The following ADCY10 variants were observed in gnomAD, a reference collection of about 807,000 sequenced individuals.
ADCY10 encodes the protein adenylate cyclase type 10.
In ADCY10, 156 loss-of-function variants were observed where a neutral mutation model predicts 183.3. The ratio of observed to expected loss-of-function variants is 0.85; its 90% CI spans 0.75 to 0.97. ADCY10 has a LOEUF of 0.97. ADCY10 is among the 50% of genes least tolerant of loss of function. ADCY10 has a pLI of 0.00. For missense variants in ADCY10, 1,745 were observed against 1,934.3 expected, an observed-to-expected ratio of 0.90 and a Z score of 1.84; for synonymous variants, 645 against 670.0, an observed-to-expected ratio of 0.96 and a Z score of 0.58.
rs1415937620 is a variant in ADCY10 at position 167,897,517 on chromosome 1, G to GTA, written c.643-828_643-827dup. 5.2e-4 allele frequency among the ~76,000 whole-genome samples: 36 copies of GTA among 69,004 alleles called. 4 individuals carry two copies. The highest frequency in any genetic ancestry group is 1.0e-3 in the African/African-American group (10 of 9,546). The allele number at this position is 69,004 out of a possible 152,430, so 45.3% of individuals were successfully genotyped here. A position where few individuals can be genotyped will look rare whatever the true frequency, so the allele number is the denominator to read the frequency against. ...ATCTCAAAAAAAAATATATATATAT[G>GTA]TATATATATATAGAGAGAGAGAGAG... On this transcript the variant is annotated intron_variant, in intron 6 of 32. Transcript: ENST00000367851.
At chr1:167,812,032 C>A (rs1662245027) in intron 31 of ADCY10, among the ~76,000 whole-genome samples, 1 of 152,242 alleles carries the variant, frequency 6.6e-6, no homozygotes, top group South Asian at 2.1e-4. Context: ...GCCTGTCCCC[C>A]AGCCTCAAAA....
chr1:167,845,462 A>G (rs1664935452), intron 21 of ADCY10, 101 bp downstream of exon 21: 1 of 1,268,426 alleles, frequency 7.9e-7, no homozygotes, highest in South Asian at 1.3e-5. Flanking sequence ...CAAGCCGCTT[A>G]TGAGACTTGA....
At chr1:167,858,485 G>A (rs573103936) in intron 16 of ADCY10, among the ~76,000 whole-genome samples, 12 of 122,576 alleles carry the variant, frequency 9.8e-5, no homozygotes, top group African/African-American at 1.6e-4. Flanking sequence ...GCGACAGAGC[G>A]AGACTCTGTC....
At chr1:167,875,317 G>A (rs1320015561) in intron 12 of ADCY10, 131 bp from the exon 13 acceptor site, 2 of 856,442 alleles carry the variant, frequency 2.3e-6, no homozygotes, top group East Asian at 5.3e-5. Flanking sequence ...CTGACTCACG[G>A]GTCGCAAACG....
intron 24 of ADCY10, 24 bp from the exon 25 acceptor site, chr1:167,833,186 G>A: frequency 6.2e-7 from 1 of 1,602,596 alleles, no homozygotes; most frequent in Middle Eastern, 1.7e-4. Context: ...GGAGGGAAGA[G>A]AGGAAAAGAG....
chr1:167,880,263 G>A (rs1321060952), intron 10 of ADCY10, 72 bp from the exon 11 acceptor site: 49 of 1,372,320 alleles, frequency 3.6e-5, no homozygotes, highest in Non-Finnish European at 4.9e-5. Context: ...GGGAAGGGTG[G>A]GAAATAATGT....
chr1:167,835,956 T>C (rs1285629364), intron 23 of ADCY10, among the ~76,000 whole-genome samples: 1 of 152,174 alleles, frequency 6.6e-6, no homozygotes, highest in African/African-American at 2.4e-5. Context: ...ACAGGTATTT[T>C]AGGCTTAACA....
chr1:167,813,056 AGAAGAG>A (rs1662318227), intron 31 of ADCY10, among the ~76,000 whole-genome samples: 1 of 152,206 alleles, frequency 6.6e-6, no homozygotes, highest in Non-Finnish European at 1.5e-5. Flanking sequence ...TCCCTGAAGA[AGAAGAG>A]AGAGAGAAAG....
intron 17 of ADCY10, among the ~76,000 whole-genome samples, chr1:167,855,100 C>T (rs1341420857): frequency 2.0e-5 from 3 of 152,102 alleles, no homozygotes; most frequent in Non-Finnish European, 4.4e-5. Context: ...GAGGGCGGAG[C>T]ATCTGAGCTC....
intron 8 of ADCY10, among the ~76,000 whole-genome samples, chr1:167,892,257 C>G (rs1668650929): frequency 6.6e-6 from 1 of 152,188 alleles, no homozygotes; most frequent in African/African-American, 2.4e-5. Context: ...CAGGCATGAG[C>G]CTGGCCTTGA....
At chr1:167,854,972 T>C (rs145121187) in intron 17 of ADCY10, among the ~76,000 whole-genome samples, 1 of 152,298 alleles carries the variant, frequency 6.6e-6, no homozygotes, top group African/African-American at 2.4e-5. Flanking sequence ...AGATGGGCTG[T>C]AAACAGCCAG....
chr1:167,818,491 T>C (rs1360954351), intron 30 of ADCY10: 3 of 637,528 alleles, frequency 4.7e-6, no homozygotes, highest in Non-Finnish European at 8.7e-6. Flanking sequence ...ATAGAATCCT[T>C]GGAAACACTC....
rs756835253 is a variant in ADCY10, at chr1:167,883,547, G to T, written c.910C>A (p.Gln304Lys). The T allele has an allele frequency of 1.2e-6, 2 of 1,614,162 alleles. No individual in the cohort carries two copies. The highest frequency in any genetic ancestry group is 1.1e-5 in the South Asian group (1 of 91,088). The change falls in exon 9 of 33, where the codon CAA (glutamine) becomes AAA (lysine). Residue 304 changes from glutamine to lysine, a missense_variant. Coordinates refer to ENST00000367851, the MANE Select transcript of ADCY10 (RefSeq NM_018417.6). The stretch of plus-strand genomic sequence containing the variant: ...GGGCCTATCTCTTCTGCTTTGTCTT[G>T]GTCTTCAAACATCAGGTTCACAAAC... ...IVFVNLMFEDQDKAEEIGPAI... is the reference protein window; with the variant it reads ...IVFVNLMFEDKDKAEEIGPAI...
At chr1:167,846,720 T>G (rs1432759922) in intron 19 of ADCY10, among the ~76,000 whole-genome samples, 1 of 152,226 alleles carries the variant, frequency 6.6e-6, no homozygotes, top group Non-Finnish European at 1.5e-5. Flanking sequence ...TAGAAATTTA[T>G]GTATTCTCAT....
At position 167,810,919 on chromosome 1, in the gene ADCY10, G is replaced by GA. The variant is rs754882215; in HGVS notation, c.4483-7dup. On this transcript the variant is annotated splice_region_variant and splice_polypyrimidine_tract_variant and intron_variant, in intron 31 of 32. Coordinates refer to ENST00000367851, the MANE Select transcript of ADCY10 (RefSeq NM_018417.6). ...GCCACCAGATTCTCCAAGTTCTAAA[G>GA]AAAAAAAACCCACAACAGTATATTA... The GA allele has an allele frequency of 1.4e-4, 224 of 1,612,266 alleles. 1 individual carries two copies. Among genetic ancestry groups the GA allele is most frequent in the South Asian group, 1.3e-3 (120 of 90,944 alleles).
At chr1:167,885,836 G>A (rs374214691) in intron 8 of ADCY10, among the ~76,000 whole-genome samples, 23 of 152,114 alleles carry the variant, frequency 1.5e-4, no homozygotes, top group African/African-American at 4.8e-4. Flanking sequence ...GGCTGGTCTT[G>A]AACTCCTGAT....
At chr1:167,894,374 G>A (rs890043183) in intron 7 of ADCY10, among the ~76,000 whole-genome samples, 4 of 152,064 alleles carry the variant, frequency 2.6e-5, no homozygotes, top group African/African-American at 7.2e-5. Context: ...GCTTGATACC[G>A]CTTCACTGTG....
intron 12 of ADCY10, among the ~76,000 whole-genome samples, chr1:167,876,699 A>G (rs1414998012): frequency 6.6e-6 from 1 of 152,204 alleles, no homozygotes; most frequent in Non-Finnish European, 1.5e-5. Flanking sequence ...CTGGGTTTGC[A>G]TAGTAAACTG....
At chr1:167,852,772 G>A (rs1285105489) in intron 18 of ADCY10, among the ~76,000 whole-genome samples, 3 of 149,314 alleles carry the variant, frequency 2.0e-5, no homozygotes, top group Admixed American at 6.7e-5. Context: ...AATGTTTCTT[G>A]TTCCTTAAAA....
Sources: allele counts gnomAD v4.1 joint callset (sites outside exome capture counted in the v4.1 genomes callset), GRCh38; gene constraint gnomAD v4.1.1; transcripts MANE v1.5; gene names NCBI Gene and HGNC (gene_info 2026-07-23, HGNC 2026-07-21).